The following PIANP variants were observed in gnomAD, a reference collection of about 807,000 sequenced individuals.
The protein encoded by PIANP is PILR alpha-associated neural protein.
Under a neutral mutation model 28.9 loss-of-function variants are expected in PIANP, and 14 were observed. That is an observed-to-expected ratio of 0.49 (90% CI 0.32 to 0.76). The LOEUF (loss-of-function observed/expected upper bound fraction) is 0.76. PIANP is among the 30% of genes least tolerant of loss of function. The probability of loss-of-function intolerance (pLI) is 0.03; values close to 1 mark genes in which losing one functional copy is unlikely to be tolerated. For missense variants in PIANP, 322 were observed against 371.8 expected (o/e 0.87, Z 1.10); for synonymous variants, 149 against 156.6 (o/e 0.95, Z 0.36).
chr12:6,696,488 G>A lies in PIANP; in HGVS notation c.560C>T (p.Ser187Phe). The A allele has an allele frequency of 6.2e-7, 1 of 1,603,430 alleles. No homozygotes were observed. The change falls in exon 4 of 5, where the codon TCC (serine) becomes TTC (phenylalanine). Residue 187 changes from serine (S) to phenylalanine (F), a missense_variant. By Grantham distance (155) the Ser-to-Phe change is radical. Coordinates refer to ENST00000534837, the MANE Select transcript of PIANP (RefSeq NM_001244014.2). This position sits in a 1 kb window ranked among gnomAD's most constrained non-coding sequence, Gnocchi z 4.0. ...DPQLYVTITISIIIVLVATGI... is the reference protein window; with the variant it reads ...DPQLYVTITIFIIIVLVATGI... ...AGTGGCCACGAGAACAATGATGATG[G>A]AGATGGTAATTGTGACATAGAGCTG...
chr12:6,700,245 C>A lies in PIANP; in HGVS notation c.-44+369G>T, dbSNP rs1960013516. The A allele has an allele frequency of 6.6e-6, 1 of 152,290 alleles. No individual in the cohort carries two copies. The highest frequency in any genetic ancestry group is 6.5e-5 in the Admixed American group (1 of 15,292). The allele number at this position is 152,290 out of a possible 1,614,324, so 9.4% of individuals were successfully genotyped here. A position where few individuals can be genotyped will look rare whatever the true frequency, so the allele number is the denominator to read the frequency against. ...CCACCCATCCCGCAGGCCCGCACTC[C>A]CCGCACAGGGCTGGAGAGCGGCGAG... On this transcript the variant is annotated intron_variant, in intron 1 of 4. Transcript: ENST00000534837. The surrounding 1 kb of genome is among the most constrained non-coding windows in gnomAD (Gnocchi z 5.5).
In PIANP at chr12:6,696,344, ACC is replaced by A; in HGVS notation, c.605+97_605+98del. ...TGCCTTCATCCAGCATTTCCCACCC[ACC>A]CCCCAGCAAAATTGCTGCCACTGCC... On this transcript the variant is annotated intron_variant, in intron 4 of 4. Coordinates refer to ENST00000534837, the MANE Select transcript of PIANP (RefSeq NM_001244014.2). The surrounding 1 kb of genome is among the most constrained non-coding windows in gnomAD (Gnocchi z 4.0). 1 of 780,676 alleles carries A rather than the reference ACC, an allele frequency of 1.3e-6. No individual in the cohort carries two copies. The highest frequency in any genetic ancestry group is 1.9e-6 in the Non-Finnish European group (1 of 514,194). The allele number at this position is 780,676 out of a possible 1,614,324, so 48.4% of individuals were successfully genotyped here.
chr12:6,693,896 A>G lies in PIANP; in HGVS notation c.*1530T>C, dbSNP rs979997872. On this transcript the variant is annotated 3_prime_UTR_variant, in exon 5 of 5. Coordinates refer to ENST00000534837, the MANE Select transcript of PIANP (RefSeq NM_001244014.2). The stretch of plus-strand genomic sequence containing the variant: ...GAGATAATACAAAAATATATATCAC[A>G]GCCTAGGAGCCAGGGAAGAAGGGAA... The G allele has an allele frequency of 6.5e-6, 1 of 152,936 alleles. No homozygotes were observed. Among genetic ancestry groups the G allele is most frequent in the African/African-American group, 2.4e-5 (1 of 41,456 alleles). 9.5% of individuals were successfully genotyped at this position (152,936 alleles called of 1,614,324 possible).
chr12:6,697,809 A>G lies in PIANP; in HGVS notation c.18-17T>C. The G allele has an allele frequency of 6.6e-7, 1 of 1,515,610 alleles. No homozygotes were observed. Among genetic ancestry groups the G allele is most frequent in the Non-Finnish European group, 8.8e-7 (1 of 1,133,860 alleles). The allele number at this position is 1,515,610 out of a possible 1,614,324, so 93.9% of individuals were successfully genotyped here. On this transcript the variant is annotated splice_polypyrimidine_tract_variant and intron_variant, in intron 2 of 4. Coordinates refer to ENST00000534837, the MANE Select transcript of PIANP (RefSeq NM_001244014.2). The surrounding 1 kb of genome is among the most constrained non-coding windows in gnomAD (Gnocchi z 6.9). ...AGCGCAGGCCTGCAAGAAGGGAGAG[A>G]GCGTGGCTGAGACACAGGCCTACTG...
At chr12:6,693,323 A>C (rs1029062314), downstream of PIANP, among the ~76,000 whole-genome samples, 2 of 151,962 alleles carry the variant, frequency 1.3e-5, no homozygotes, top group African/African-American at 4.8e-5. Context: ...GGGTGGGGGC[A>C]GGTTAGGGAG....
chr12:6,696,376 G>A lies in PIANP; in HGVS notation c.605+67C>T, dbSNP rs757965419. ...AGCAAAATTGCTGCCACTGCCCCTC[G>A]TGGTTAGAGCCTCGACTGCCAAACA... On this transcript the variant is annotated intron_variant, in intron 4 of 4. Transcript: ENST00000534837. The surrounding 1 kb of genome is among the most constrained non-coding windows in gnomAD (Gnocchi z 4.0). The A allele has an allele frequency of 5.5e-6, 7 of 1,276,008 alleles. No homozygotes were observed. Among genetic ancestry groups the A allele is most frequent in the Admixed American group, 2.7e-5 (1 of 37,584 alleles). 79.0% of individuals were successfully genotyped at this position (1,276,008 alleles called of 1,614,324 possible).
At position 6,694,953 on chromosome 12, in the gene PIANP, C is replaced by T; in HGVS notation, c.*473G>A. ...CAGGAGCCCCTGTGGCCCCAGCTCC[C>T]CACAGCTGCCCCACCCTCAGTGGGA... On this transcript the variant is annotated 3_prime_UTR_variant, in exon 5 of 5. Coordinates refer to ENST00000534837, the MANE Select transcript of PIANP (RefSeq NM_001244014.2). This position sits in a 1 kb window ranked among gnomAD's most constrained non-coding sequence, Gnocchi z 6.1. The T allele has an allele frequency of 6.8e-7, 1 of 1,463,028 alleles. No individual in the cohort carries two copies. The highest frequency in any genetic ancestry group is 9.1e-7 in the Non-Finnish European group (1 of 1,096,504). 90.6% of individuals were successfully genotyped at this position (1,463,028 alleles called of 1,614,324 possible).
chr12:6,697,186 A>G lies in PIANP; in HGVS notation c.523+101T>C. On this transcript the variant is annotated intron_variant, in intron 3 of 4. Transcript: ENST00000534837. The surrounding 1 kb of genome is among the most constrained non-coding windows in gnomAD (Gnocchi z 6.9). Reference sequence around the variant, plus strand: ...CCTGTGCCAGTATAGTGCCTGACACATTTGTTGAAGGAGCTAACAGACAAG... The same window carrying G: ...CCTGTGCCAGTATAGTGCCTGACACGTTTGTTGAAGGAGCTAACAGACAAG... 1 of 1,501,194 alleles carries G rather than the reference A, an allele frequency of 6.7e-7. No individual in the cohort carries two copies. Among genetic ancestry groups the G allele is most frequent in the South Asian group, 1.3e-5 (1 of 78,644 alleles). 93.0% of individuals were successfully genotyped at this position (1,501,194 alleles called of 1,614,324 possible). A position where few individuals can be genotyped will look rare whatever the true frequency, so the allele number is the denominator to read the frequency against.
At position 6,696,527 on chromosome 12, in the gene PIANP, G is replaced by A. The variant is rs1959868488; in HGVS notation, c.524-3C>T. On this transcript the variant is annotated splice_polypyrimidine_tract_variant and splice_region_variant and intron_variant, in intron 3 of 4. Coordinates refer to ENST00000534837, the MANE Select transcript of PIANP (RefSeq NM_001244014.2). This position sits in a 1 kb window ranked among gnomAD's most constrained non-coding sequence, Gnocchi z 4.0. The stretch of plus-strand genomic sequence containing the variant: ...GACATAGAGCTGGGGGTCCACACCT[G>A]ATTGGGGTGGGAAGAAAGTTTTAGG... 6.3e-7 allele frequency: 1 copy of A among 1,583,146 alleles called. No homozygotes were observed. The highest frequency in any genetic ancestry group is 8.6e-7 in the Non-Finnish European group (1 of 1,164,772).
Position 6,695,753 on chromosome 12 carries a change from A to G in PIANP, c.606-102T>C. On this transcript the variant is annotated intron_variant, in intron 4 of 4. Coordinates refer to ENST00000534837, the MANE Select transcript of PIANP (RefSeq NM_001244014.2). This position sits in a 1 kb window ranked among gnomAD's most constrained non-coding sequence, Gnocchi z 4.2. ...CCAGCCTCGCCCAGTCACTCCCAAC[A>G]TCTTATAGCAGAGAAACTGGCCTTT... 1 of 1,271,734 alleles carries G rather than the reference A, an allele frequency of 7.9e-7. No homozygotes were observed. The highest frequency in any genetic ancestry group is 1.0e-6 in the Non-Finnish European group (1 of 987,474). The allele number at this position is 1,271,734 out of a possible 1,614,324, so 78.8% of individuals were successfully genotyped here. A position where few individuals can be genotyped will look rare whatever the true frequency, so the allele number is the denominator to read the frequency against.
rs775566483 is a variant in PIANP, at chr12:6,697,434, C to T, written c.376G>A (p.Gly126Arg). The T allele has an allele frequency of 9.9e-6, 16 of 1,613,884 alleles. No homozygotes were observed. Among genetic ancestry groups the T allele is most frequent in the Admixed American group, 3.3e-5 (2 of 60,000 alleles). ...DGGDPNSANP[G>R]FLDYGFAAPH... ...GCTGCAAAACCATAGTCCAGAAATCCGGGATTGGCAGAGTTGGGGTCCCCT... is the reference window on the plus strand; with the variant it reads ...GCTGCAAAACCATAGTCCAGAAATCTGGGATTGGCAGAGTTGGGGTCCCCT... Residue 126 changes from glycine to arginine, a missense_variant, in exon 3 of 5, where the codon GGA becomes AGA. By Grantham distance (125) the Gly-to-Arg change is moderately radical (BLOSUM62 -2). Coordinates refer to ENST00000534837, the MANE Select transcript of PIANP (RefSeq NM_001244014.2). This position sits in a 1 kb window ranked among gnomAD's most constrained non-coding sequence, Gnocchi z 6.9.
rs1007325652 is a variant in PIANP at position 6,694,787 on chromosome 12, A to G, written c.*639T>C. ...CTGTGAAGGTGGAGGTGAGTGTGCA[A>G]GGCTTTCATGTGAGTGCACAAGGGT... On this transcript the variant is annotated 3_prime_UTR_variant, in exon 5 of 5. Transcript: ENST00000534837. This position sits in a 1 kb window ranked among gnomAD's most constrained non-coding sequence, Gnocchi z 6.1. 2 of 476,126 alleles carry G rather than the reference A, an allele frequency of 4.2e-6. No homozygotes were observed. The highest frequency in any genetic ancestry group is 3.4e-5 in the Admixed American group (1 of 29,176). The allele number at this position is 476,126 out of a possible 1,614,324, so 29.5% of individuals were successfully genotyped here.
In PIANP at chr12:6,700,702, A is replaced by C. The variant is rs1960030326; in HGVS notation, c.-132T>G. 1.0e-5 allele frequency: 1 copy of C among 95,726 alleles called. No homozygotes were observed. 5.9% of individuals were successfully genotyped at this position (95,726 alleles called of 1,614,324 possible). ...CGCAGGAGCGGGCGGGGTGCGGGGC[A>C]TGGTGGGGAGGTTTGGCCCGCGGCA... On this transcript the variant is annotated 5_prime_UTR_variant, in exon 1 of 5. It removes an upstream start codon present in the reference 5' UTR. Coordinates refer to ENST00000534837, the MANE Select transcript of PIANP (RefSeq NM_001244014.2). This position sits in a 1 kb window ranked among gnomAD's most constrained non-coding sequence, Gnocchi z 5.5.
rs950100773 is a variant in PIANP, at chr12:6,696,305, T to G, written c.605+138A>C. 3.7e-5 allele frequency: 22 copies of G among 592,816 alleles called. No homozygotes were observed. Among genetic ancestry groups the G allele is most frequent in the Non-Finnish European group, 5.8e-5 (20 of 347,142 alleles). 36.7% of individuals were successfully genotyped at this position (592,816 alleles called of 1,614,324 possible). A position where few individuals can be genotyped will look rare whatever the true frequency, so the allele number is the denominator to read the frequency against. On this transcript the variant is annotated intron_variant, in intron 4 of 4. Transcript: ENST00000534837. This position sits in a 1 kb window ranked among gnomAD's most constrained non-coding sequence, Gnocchi z 4.0. ...TCCCCCAGCCAAATCCTTAATTATC[T>G]TTTCCCAAGGTCTTGCCTTCATCCA...
In PIANP at chr12:6,694,868, G is replaced by T; in HGVS notation, c.*558C>A. 1.3e-6 allele frequency: 1 copy of T among 786,318 alleles called. No homozygotes were observed. The highest frequency in any genetic ancestry group is 1.9e-6 in the Non-Finnish European group (1 of 519,976). 48.7% of individuals were successfully genotyped at this position (786,318 alleles called of 1,614,324 possible). ...GAGGCCCCCACCTGCAGGAGGGCGA[G>T]CAGATAGGATTGCCCGTGGGGCTGG... On this transcript the variant is annotated 3_prime_UTR_variant, in exon 5 of 5. Transcript: ENST00000534837. This position sits in a 1 kb window ranked among gnomAD's most constrained non-coding sequence, Gnocchi z 6.1.
chr12:6,700,748 G>T lies in PIANP; in HGVS notation c.-178C>A. 1 of 152,238 alleles carries T rather than the reference G, an allele frequency of 6.6e-6. No individual in the cohort carries two copies. The highest frequency in any genetic ancestry group is 1.8e-4 in the South Asian group (1 of 5,534). 9.4% of individuals were successfully genotyped at this position (152,238 alleles called of 1,614,324 possible). On this transcript the variant is annotated 5_prime_UTR_variant, in exon 1 of 5. Coordinates refer to ENST00000534837, the MANE Select transcript of PIANP (RefSeq NM_001244014.2). This position sits in a 1 kb window ranked among gnomAD's most constrained non-coding sequence, Gnocchi z 5.5. Reference sequence around the variant, plus strand: ...CGGCAGGGCGCTGGAGCGGGTGGGGGGCGGGCGCCTGGGGCGCGGGGCGGC... The same window carrying T: ...CGGCAGGGCGCTGGAGCGGGTGGGGTGCGGGCGCCTGGGGCGCGGGGCGGC...
At position 6,697,232 on chromosome 12, in the gene PIANP, G is replaced by C; in HGVS notation, c.523+55C>G. ...ACAAGGCCTCTATTTCTGCCCCTTG[G>C]TGTCTTCACCCAGCCTCCCCATCCG... On this transcript the variant is annotated intron_variant, in intron 3 of 4. Transcript: ENST00000534837. The surrounding 1 kb of genome is among the most constrained non-coding windows in gnomAD (Gnocchi z 6.9). 6.3e-7 allele frequency: 1 copy of C among 1,595,698 alleles called. No homozygotes were observed. The highest frequency in any genetic ancestry group is 8.5e-7 in the Non-Finnish European group (1 of 1,173,960).
chr12:6,695,097 G>T lies in PIANP; in HGVS notation c.*329C>A. ...GAAAGGGCACAGTCAGGAACCAAGG[G>T]GTAGGCCAGAATAGAAGGGGAAGTT... On this transcript the variant is annotated 3_prime_UTR_variant, in exon 5 of 5. Transcript: ENST00000534837. This position sits in a 1 kb window ranked among gnomAD's most constrained non-coding sequence, Gnocchi z 4.2. 1 of 1,564,688 alleles carries T rather than the reference G, an allele frequency of 6.4e-7. No homozygotes were observed.
rs1391815937 is a variant in PIANP at position 6,694,191 on chromosome 12, T to C, written c.*1235A>G. 2 of 153,518 alleles carry C rather than the reference T, an allele frequency of 1.3e-5. No homozygotes were observed. The highest frequency in any genetic ancestry group is 6.6e-5 in the Admixed American group (1 of 15,262). 9.5% of individuals were successfully genotyped at this position (153,518 alleles called of 1,614,324 possible). On this transcript the variant is annotated 3_prime_UTR_variant, in exon 5 of 5. Transcript: ENST00000534837. The surrounding 1 kb of genome is among the most constrained non-coding windows in gnomAD (Gnocchi z 6.1). Reference sequence around the variant, plus strand: ...TCAGGGGGCTCTGAAGTCCAGAGAATGGCACACACACAGACAGCCAGGACA... The same window carrying C: ...TCAGGGGGCTCTGAAGTCCAGAGAACGGCACACACACAGACAGCCAGGACA...
Sources: gnomAD v4.1 joint callset for allele counts (sites outside exome capture counted in the v4.1 genomes callset) on GRCh38, gnomAD v4.1.1 for gene constraint, Gnocchi (gnomAD v3.1) non-coding constraint, MANE v1.5 for transcripts, NCBI Gene and HGNC (gene_info 2026-07-23, HGNC 2026-07-21) for gene names.